Variants in PTGR3 observed in about 807,000 individuals in gnomAD.
The protein encoded by PTGR3 is prostaglandin reductase 3, also known as zinc binding alcohol dehydrogenase domain containing 2.
At chr18:75,196,452 AC>A in the PTGR3 span, 1 of 151,504 alleles carries the variant, frequency 6.6e-6, no homozygotes, top group Non-Finnish European at 1.5e-5. Flanking sequence ...ACATAGTAGA[AC>A]CTCATCTCTA....
At chr18:75,201,946 C>T in the PTGR3 span, 1 of 1,614,190 alleles carries the variant, frequency 6.2e-7, no homozygotes, top group Non-Finnish European at 8.5e-7. Context: ...GAGCAGGTTC[C>T]AATTACATGG....
chr18:75,203,402 A>G, the PTGR3 span, among the ~76,000 whole-genome samples: 1 of 152,350 alleles, frequency 6.6e-6, no homozygotes, highest in South Asian at 2.1e-4. Context: ...TAAGCAGGTC[A>G]TTTAAAAGGA....
At chr18:75,204,267 C>T in the PTGR3 span, among the ~76,000 whole-genome samples, 1 of 152,228 alleles carries the variant, frequency 6.6e-6, no homozygotes, top group Non-Finnish European at 1.5e-5. Flanking sequence ...CCCCTCTCCC[C>T]GCCCCAGGCT....
At chr18:75,201,494 A>G in the PTGR3 span, 3 of 1,614,200 alleles carry the variant, frequency 1.9e-6, no homozygotes, top group African/African-American at 1.3e-5. Context: ...TATAATTGAC[A>G]GCACGGAATA....
the PTGR3 span, chr18:75,202,064 G>A: frequency 1.2e-6 from 2 of 1,614,106 alleles, no homozygotes; most frequent in Admixed American, 1.7e-5. Context: ...CTTTCAGGCT[G>A]ATGTATGCGG....
At chr18:75,209,039 G>A in the PTGR3 span, 1 of 1,561,482 alleles carries the variant, frequency 6.4e-7, no homozygotes. This position sits in a 1 kb window ranked among gnomAD's most constrained non-coding sequence, Gnocchi z 4.7. Context: ...CCGGGCCCCG[G>A]TGGGCACCAG....
chr18:75,208,402 C>T, the PTGR3 span: 2 of 989,606 alleles, frequency 2.0e-6, no homozygotes, highest in Non-Finnish European at 2.4e-6. Flanking sequence ...CAGCCTCCTT[C>T]CTCCGAAGCA....
the PTGR3 span, chr18:75,209,028 C>A: frequency 6.4e-7 from 1 of 1,570,228 alleles, no homozygotes; most frequent in Non-Finnish European, 8.6e-7. The surrounding 1 kb of genome is among the most constrained non-coding windows in gnomAD (Gnocchi z 4.7). Context: ...TCCACGATGG[C>A]CCGGGCCCCG....
At chr18:75,199,713 C>T in the PTGR3 span, 4 of 152,610 alleles carry the variant, frequency 2.6e-5, no homozygotes, top group African/African-American at 7.2e-5. Context: ...CAAAGAGCCT[C>T]GCATCAGGCC....
At chr18:75,201,383 C>T in the PTGR3 span, 3 of 1,552,234 alleles carry the variant, frequency 1.9e-6, no homozygotes, top group Non-Finnish European at 8.8e-7. Context: ...TGCCCATTTT[C>T]TTTCTCCCTT....
chr18:75,201,233 T>C, the PTGR3 span: 5 of 579,500 alleles, frequency 8.6e-6, no homozygotes, highest in Admixed American at 6.5e-5. Flanking sequence ...TTAGCACATT[T>C]TTTTTTTTCC....
the PTGR3 span, chr18:75,201,315 A>G: frequency 4.8e-6 from 5 of 1,049,708 alleles, no homozygotes; most frequent in South Asian, 1.6e-5. Context: ...GTTTTAAGAA[A>G]TATTATATCC....
the PTGR3 span, chr18:75,205,391 T>G: frequency 1.0e-6 from 1 of 976,444 alleles, no homozygotes; most frequent in Non-Finnish European, 1.2e-6. Context: ...CCCCTTTAAT[T>G]GAAACTGTGT....
chr18:75,207,006 C>G, the PTGR3 span, among the ~76,000 whole-genome samples: 2 of 152,134 alleles, frequency 1.3e-5, no homozygotes, highest in East Asian at 3.9e-4. Context: ...GGGAGGGGTC[C>G]CAGGGCAGCA....
chr18:75,205,207 C>CCGCAGA, the PTGR3 span: 1 of 985,498 alleles, frequency 1.0e-6, no homozygotes, highest in Non-Finnish European at 1.2e-6. Flanking sequence ...GCGTGAGGGT[C>CCGCAGA]CGCAGCTCGC....
the PTGR3 span, among the ~76,000 whole-genome samples, chr18:75,206,378 A>T: frequency 6.6e-6 from 1 of 152,358 alleles, no homozygotes; most frequent in East Asian, 1.9e-4. Flanking sequence ...CTTTCCCAAC[A>T]AGGGAATTTA....
At chr18:75,200,022 A>G in the PTGR3 span, 1 of 152,590 alleles carries the variant, frequency 6.6e-6, no homozygotes, top group Non-Finnish European at 1.5e-5. Flanking sequence ...CTCAGATGGA[A>G]GGAAAGAAAA....
At chr18:75,203,068 C>T in the PTGR3 span, among the ~76,000 whole-genome samples, 5 of 152,146 alleles carry the variant, frequency 3.3e-5, no homozygotes, top group Non-Finnish European at 7.4e-5. Context: ...TTCAACATTT[C>T]ACAGTCCTTT....
At chr18:75,209,004 G>C in the PTGR3 span, 2 of 1,590,794 alleles carry the variant, frequency 1.3e-6, no homozygotes, top group Non-Finnish European at 1.7e-6. The surrounding 1 kb of genome is among the most constrained non-coding windows in gnomAD (Gnocchi z 4.7). Context: ...AGGAAGTGGC[G>C]GGCGTACGAC....
Sources: gnomAD v4.1 joint callset for allele counts (sites outside exome capture counted in the v4.1 genomes callset) on GRCh38, gnomAD v4.1.1 for gene constraint, Gnocchi (gnomAD v3.1) non-coding constraint, MANE v1.5 for transcripts, NCBI Gene and HGNC (gene_info 2026-07-23, HGNC 2026-07-21) for gene names.